The following GPM6A variants were observed in gnomAD, a reference collection of about 807,000 sequenced individuals.
The protein encoded by GPM6A is glycoprotein M6A.
In GPM6A, 7 loss-of-function variants were observed where a neutral mutation model predicts 32.1. The observed-to-expected ratio is 0.22, with a 90% confidence interval of 0.12 to 0.41. GPM6A has a LOEUF of 0.41. GPM6A is among the 10% of genes least tolerant of loss of function. GPM6A has a pLI of 1.00. For missense variants in GPM6A, 235 were observed against 347.2 expected (o/e 0.68, Z 2.57); for synonymous variants, 130 against 123.4 (o/e 1.05, Z -0.35).
At chr4:175,740,056 A>AT (rs971202595) in intron 1 of GPM6A, among the ~76,000 whole-genome samples, 9 of 152,040 alleles carry the variant, frequency 5.9e-5, no homozygotes, top group African/African-American at 2.2e-4. Flanking sequence ...CTCTAAGACT[A>AT]TTTTTTAAAG....
chr4:175,636,952 ATATGTATT>A (rs1440152353), intron 6 of GPM6A, among the ~76,000 whole-genome samples: 1 of 134,258 alleles, frequency 7.4e-6, no homozygotes, highest in Non-Finnish European at 1.6e-5. Flanking sequence ...ATATATATAT[ATATGTATT>A]TATATATATT....
chr4:175,950,111 T>G (rs1411441707), intron 1 of GPM6A, among the ~76,000 whole-genome samples: 1 of 152,146 alleles, frequency 6.6e-6, no homozygotes, highest in Non-Finnish European at 1.5e-5. Context: ...GCAATGAATA[T>G]AAAGGGAAAC....
intron 1 of GPM6A, among the ~76,000 whole-genome samples, chr4:175,946,274 T>G (rs915560550): frequency 6.6e-6 from 1 of 152,128 alleles, no homozygotes; most frequent in African/African-American, 2.4e-5. Context: ...TCAGGAAAAT[T>G]TTTAAACAAA....
intron 1 of GPM6A, among the ~76,000 whole-genome samples, chr4:175,998,401 C>A (rs879787668): frequency 2.0e-5 from 3 of 152,172 alleles, no homozygotes; most frequent in Non-Finnish European, 4.4e-5. Context: ...ATCCACCCAG[C>A]TCGTCCTGCC....
intron 1 of GPM6A, among the ~76,000 whole-genome samples, chr4:175,745,129 GA>G (rs200268568): frequency 1.3e-5 from 2 of 151,466 alleles, no homozygotes; most frequent in Admixed American, 6.6e-5. Flanking sequence ...TAAAAAATCA[GA>G]AAAAAAACAT....
chr4:175,816,772 T>A (rs577942733), upstream of GPM6A, among the ~76,000 whole-genome samples: 1 of 152,232 alleles, frequency 6.6e-6, no homozygotes, highest in Non-Finnish European at 1.5e-5. Flanking sequence ...GATCTTCTTA[T>A]ATTTTGACAG....
At chr4:175,957,739 C>T (rs1050168863) in intron 1 of GPM6A, among the ~76,000 whole-genome samples, 2 of 152,038 alleles carry the variant, frequency 1.3e-5, no homozygotes, top group Admixed American at 6.6e-5. Flanking sequence ...AGTAGGTTCT[C>T]ATAAAAAATA....
intron 1 of GPM6A, among the ~76,000 whole-genome samples, chr4:175,961,008 T>C (rs1740146360): frequency 6.6e-6 from 1 of 152,368 alleles, no homozygotes; most frequent in Middle Eastern, 3.4e-3. Flanking sequence ...CAAGAATGTC[T>C]ATGTTACACA....
chr4:175,652,095 A>G, intron 3 of GPM6A, 108 bp from the exon 4 acceptor site: 3 of 705,512 alleles, frequency 4.3e-6, no homozygotes, highest in Non-Finnish European at 6.9e-6. Flanking sequence ...GATACAGTAC[A>G]TAAGTCAGTA....
intron 3 of GPM6A, 88 bp downstream of exon 3, chr4:175,673,592 T>C: frequency 1.1e-6 from 1 of 894,572 alleles, no homozygotes; most frequent in South Asian, 2.8e-5. Flanking sequence ...GAAAAAAAAA[T>C]ACTTTAATTC....
chr4:175,918,392 A>T (rs1278651330), intron 1 of GPM6A, among the ~76,000 whole-genome samples: 4 of 152,294 alleles, frequency 2.6e-5, no homozygotes, highest in Non-Finnish European at 5.9e-5. Context: ...AGAATTGGAA[A>T]AGAAAAATCT....
intron 3 of GPM6A, among the ~76,000 whole-genome samples, chr4:175,659,900 A>G (rs1407747605): frequency 6.6e-6 from 1 of 152,168 alleles, no homozygotes; most frequent in Non-Finnish European, 1.5e-5. Context: ...TGTGTTTATC[A>G]TTATGATTTA....
In GPM6A at chr4:175,812,181, A is replaced by G. The variant is rs998601431; in HGVS notation, c.37+10T>C. The G allele has an allele frequency of 1.9e-6, 3 of 1,570,726 alleles. No homozygotes were observed. Among genetic ancestry groups the G allele is most frequent in the East Asian group, 2.3e-5 (1 of 43,774 alleles). On this transcript the variant is annotated intron_variant, in intron 1 of 6. Transcript: ENST00000393658. ...TACTTAGTTACAAATAAACGCTTTT[A>G]GCACAGTACCTTTTTGTGTCTGTCC...
At chr4:175,810,097 T>A (rs554203809) in intron 1 of GPM6A, among the ~76,000 whole-genome samples, 1 of 152,342 alleles carries the variant, frequency 6.6e-6, no homozygotes, top group South Asian at 2.1e-4. Context: ...TTTAGACAGA[T>A]CATTAAGTCT....
intron 1 of GPM6A, among the ~76,000 whole-genome samples, chr4:175,851,231 C>T (rs962853743): frequency 6.6e-6 from 1 of 151,668 alleles, no homozygotes; most frequent in Non-Finnish European, 1.5e-5. Context: ...GTGGCGGGCA[C>T]CTGTAATCCC....
At chr4:175,938,736 CCA>C (rs1491191925) in intron 1 of GPM6A, among the ~76,000 whole-genome samples, 7 of 64,640 alleles carry the variant, frequency 1.1e-4, no homozygotes, top group African/African-American at 3.8e-4. Context: ...TAAAGTAAAA[CCA>C]AAAAAAAAAA....
intron 1 of GPM6A, among the ~76,000 whole-genome samples, chr4:175,883,724 C>T (rs191678806): frequency 2.0e-5 from 3 of 152,110 alleles, no homozygotes; most frequent in East Asian, 3.9e-4. Flanking sequence ...TAAGCAAGAA[C>T]GTGTCAGTTT....
At chr4:175,984,305 G>C (rs1740903695) in intron 1 of GPM6A, among the ~76,000 whole-genome samples, 1 of 152,070 alleles carries the variant, frequency 6.6e-6, no homozygotes, top group South Asian at 2.1e-4. Flanking sequence ...TGGGACTACA[G>C]GTGCGTTCCA....
At chr4:175,902,781 T>C (rs1229717460) in intron 1 of GPM6A, among the ~76,000 whole-genome samples, 1 of 152,000 alleles carries the variant, frequency 6.6e-6, no homozygotes, top group Non-Finnish European at 1.5e-5. Context: ...TCTCTTTCTT[T>C]CACCTATTAA....
Sources: allele counts gnomAD v4.1 joint callset (sites outside exome capture counted in the v4.1 genomes callset), GRCh38; gene constraint gnomAD v4.1.1; transcripts MANE v1.5; gene names NCBI Gene and HGNC (gene_info 2026-07-23, HGNC 2026-07-21).